Variants in FILIP1 observed in about 807,000 individuals in gnomAD.
The protein encoded by FILIP1 is filamin-A-interacting protein 1.
Under a neutral mutation model 102.1 loss-of-function variants are expected in FILIP1, and 61 were observed. The observed-to-expected ratio is 0.60, with a 90% confidence interval of 0.49 to 0.74. The LOEUF (loss-of-function observed/expected upper bound fraction) is 0.74, where lower values mean the gene tolerates loss of function less well. Ranked by LOEUF, FILIP1 falls within the 30% of genes least tolerant of loss-of-function variation. The pLI, the probability that FILIP1 is intolerant of heterozygous loss-of-function variation, is 0.00. For missense variants in FILIP1, 1,314 were observed against 1,441.2 expected (o/e 0.91, Z 1.43); for synonymous variants, 491 against 526.9 (o/e 0.93, Z 0.93).
At chr6:75,352,641 A>G (rs1252908714) in intron 4 of FILIP1, among the ~76,000 whole-genome samples, 8 of 152,096 alleles carry the variant, frequency 5.3e-5, no homozygotes, top group Non-Finnish European at 1.0e-4. Context: ...AGGTAGTTCT[A>G]GTCATTAAGT....
chr6:75,421,643 C>T (rs925188916), intron 1 of FILIP1, among the ~76,000 whole-genome samples: 3 of 152,150 alleles, frequency 2.0e-5, no homozygotes, highest in Admixed American at 2.0e-4. Flanking sequence ...ACTTCCTCTG[C>T]TAAACTCCCG....
chr6:75,387,708 C>T (rs910188102), intron 2 of FILIP1, among the ~76,000 whole-genome samples: 1 of 152,100 alleles, frequency 6.6e-6, no homozygotes, highest in African/African-American at 2.4e-5. Context: ...ATATCCTTTG[C>T]CCACTTTTTG....
At chr6:75,479,868 C>CAA (rs58566488) in intron 1 of FILIP1, among the ~76,000 whole-genome samples, 23,127 of 42,664 alleles carry the variant, frequency 0.54, 8,911 homozygotes, top group Middle Eastern at 0.64. Flanking sequence ...AGCTGTATCT[C>CAA]AAAAAAAAAA....
Position 75,313,857 on chromosome 6 carries a change from C to T in FILIP1, c.1975G>A (p.Glu659Lys), listed in dbSNP as rs1562440981. 2 of 1,614,130 alleles carry T rather than the reference C, an allele frequency of 1.2e-6. No homozygotes were observed. The highest frequency in any genetic ancestry group is 8.5e-7 in the Non-Finnish European group (1 of 1,180,028). ...AATTTCTGTTCCAGCTGATCATACT[C>T]ATCTTCTGTCTTCATCAAATCCCCT... ...VEGDLMKTED[E>K]YDQLEQKFRT... The change falls in exon 5 of 6, where the codon GAG becomes AAG. Residue 659 changes from glutamate (E) to lysine (K), a missense_variant. Coordinates refer to ENST00000237172, the MANE Select transcript of FILIP1 (RefSeq NM_015687.5). The surrounding 1 kb of genome is among the most constrained non-coding windows in gnomAD (Gnocchi z 4.2).
At chr6:75,392,898 C>T (rs1056486623) in intron 2 of FILIP1, among the ~76,000 whole-genome samples, 3 of 152,196 alleles carry the variant, frequency 2.0e-5, no homozygotes, top group Non-Finnish European at 2.9e-5. Flanking sequence ...ACTTGCTCCT[C>T]CTTGCCTTCC....
intron 4 of FILIP1, among the ~76,000 whole-genome samples, chr6:75,315,699 G>A (rs1221838892): frequency 6.6e-6 from 1 of 152,164 alleles, no homozygotes; most frequent in African/African-American, 2.4e-5. Flanking sequence ...TGAGATACAG[G>A]GGAATTATGT....
intron 1 of FILIP1, among the ~76,000 whole-genome samples, chr6:75,450,499 A>T (rs1156566955): frequency 1.3e-5 from 2 of 151,996 alleles, no homozygotes; most frequent in South Asian, 2.1e-4. Context: ...AAATTAAAAA[A>T]TTAGCTGGAT....
intron 2 of FILIP1, among the ~76,000 whole-genome samples, chr6:75,397,202 TAA>T (rs1166733923): frequency 6.6e-6 from 1 of 151,652 alleles, no homozygotes; most frequent in Non-Finnish European, 1.5e-5. Flanking sequence ...AATAAATAAA[TAA>T]AAGACTTATT....
intron 5 of FILIP1, among the ~76,000 whole-genome samples, chr6:75,311,512 T>C (rs1331954520): frequency 1.3e-5 from 2 of 152,094 alleles, no homozygotes; most frequent in African/African-American, 4.8e-5. Context: ...TGCTTGTTTG[T>C]TTGAGATGGA....
intron 1 of FILIP1, among the ~76,000 whole-genome samples, chr6:75,464,462 C>G (rs1779110067): frequency 6.6e-6 from 1 of 152,152 alleles, no homozygotes; most frequent in African/African-American, 2.4e-5. Flanking sequence ...GGAAATATTT[C>G]CTTTTTAAAA....
intron 2 of FILIP1, among the ~76,000 whole-genome samples, chr6:75,396,876 T>C (rs1347590335): frequency 3.3e-5 from 5 of 152,010 alleles, no homozygotes; most frequent in South Asian, 2.1e-4. Flanking sequence ...TTGTAGTCAG[T>C]ATACTGGGCA....
chr6:75,439,322 C>T (rs773709128), intron 1 of FILIP1, among the ~76,000 whole-genome samples: 26 of 151,734 alleles, frequency 1.7e-4, no homozygotes, highest in African/African-American at 6.1e-4. Flanking sequence ...GCCGAGATCA[C>T]GCCACTGCAC....
chr6:75,460,055 G>A (rs1276872271), intron 1 of FILIP1, among the ~76,000 whole-genome samples: 1 of 152,096 alleles, frequency 6.6e-6, no homozygotes, highest in African/African-American at 2.4e-5. Flanking sequence ...TGACTAGGAG[G>A]CCCCATAATT....
rs757632388 is a variant in FILIP1 at position 75,414,882 on chromosome 6, T to G, written c.91A>C (p.Ser31Arg). 6.2e-7 allele frequency: 1 copy of G among 1,613,868 alleles called. No homozygotes were observed. Among genetic ancestry groups the G allele is most frequent in the Non-Finnish European group, 8.5e-7 (1 of 1,179,830 alleles). Residue 31 changes from serine to arginine, a missense_variant, in exon 2 of 6, where the codon AGT (serine) becomes CGT (arginine). Ser to Arg is a moderately radical substitution (Grantham distance 110, BLOSUM62 -1). Around this residue, in one of 3 missense-constraint regions of FILIP1, gnomAD observed 494 missense variants for 511.2 expected, o/e 0.97. Coordinates refer to ENST00000237172, the MANE Select transcript of FILIP1 (RefSeq NM_015687.5). ...PSIIGNAGEKSLSEDAKKKKK... is the reference protein window; with the variant it reads ...PSIIGNAGEKRLSEDAKKKKK... Reference sequence around the variant, plus strand: ...TTCTTTTTTGCATCTTCTGAGAGACTTTTTTCACCAGCATTGCCGATGATG... The same window carrying G: ...TTCTTTTTTGCATCTTCTGAGAGACGTTTTTCACCAGCATTGCCGATGATG...
At chr6:75,306,371 A>G (rs1165415022), downstream of FILIP1, among the ~76,000 whole-genome samples, 1 of 152,230 alleles carries the variant, frequency 6.6e-6, no homozygotes, top group Non-Finnish European at 1.5e-5. Flanking sequence ...AAGCAAAAGC[A>G]GCAGCAAGCG....
In FILIP1 at chr6:75,314,950, C is replaced by T. The variant is rs749642922; in HGVS notation, c.882G>A (p.Gln294=). ...AITSKSKEDR[Q]KLLKLEVDFE... ...AGTCCACTTCTAACTTGAGCAATTT[C>T]TGTCTGTCTTCTTTGGATTTGGAAG... The change falls in exon 5 of 6, where the codon CAG becomes CAA. Residue 294 remains glutamine, a synonymous_variant. Transcript: ENST00000237172. 6.2e-7 allele frequency: 1 copy of T among 1,614,148 alleles called. No homozygotes were observed. The highest frequency in any genetic ancestry group is 8.5e-7 in the Non-Finnish European group (1 of 1,180,002).
chr6:75,351,267 TG>T (rs1774796005), intron 4 of FILIP1, among the ~76,000 whole-genome samples: 1 of 152,168 alleles, frequency 6.6e-6, no homozygotes, highest in Non-Finnish European at 1.5e-5. Context: ...TTCACCATGT[TG>T]GCCAGGCTGC....
intron 2 of FILIP1, among the ~76,000 whole-genome samples, chr6:75,412,422 T>C (rs1343275462): frequency 6.6e-6 from 1 of 152,214 alleles, no homozygotes; most frequent in Non-Finnish European, 1.5e-5. Context: ...TTCTCTTGCC[T>C]GATTGCCCTG....
At chr6:75,345,561 T>A (rs4518463) in intron 4 of FILIP1, among the ~76,000 whole-genome samples, 2,761 of 152,194 alleles carry the variant, frequency 0.018, 71 homozygotes, top group East Asian at 0.11. Flanking sequence ...GCCGGCCAAG[T>A]GGAAAACCAT....
Sources: gnomAD v4.1 joint callset for allele counts (sites outside exome capture counted in the v4.1 genomes callset) on GRCh38, gnomAD v4.1.1 for gene constraint, gnomAD v4.1.1 regional missense constraint, Gnocchi (gnomAD v3.1) non-coding constraint, MANE v1.5 for transcripts, NCBI Gene and HGNC (gene_info 2026-07-23, HGNC 2026-07-21) for gene names.